PLXNA4: variants seen among roughly 807,000 people sequenced by gnomAD.
The protein encoded by PLXNA4 is plexin A4.
In PLXNA4, 44 loss-of-function variants were observed where a neutral mutation model predicts 191.8. That is an observed-to-expected ratio of 0.23 (90% CI 0.18 to 0.29). The LOEUF is 0.29. Ranked by LOEUF, PLXNA4 falls within the 10% of genes least tolerant of loss-of-function variation. PLXNA4 has a pLI of 1.00. For synonymous variants in PLXNA4, 1,082 were observed against 1,009.5 expected, an observed-to-expected ratio of 1.07 and a Z score of -1.36; for missense variants, 1,800 against 2,488.8, an observed-to-expected ratio of 0.72 and a Z score of 5.89.
chr7:132,379,906 T>C (rs1327531305), intron 3 of PLXNA4, among the ~76,000 whole-genome samples: 1 of 152,206 alleles, frequency 6.6e-6, no homozygotes, highest in Non-Finnish European at 1.5e-5. Flanking sequence ...GTTATTTAAT[T>C]ATGGTCTGGC....
intron 4 of PLXNA4, among the ~76,000 whole-genome samples, chr7:132,289,831 C>T (rs1209264520): frequency 6.8e-6 from 1 of 147,142 alleles, no homozygotes; most frequent in African/African-American, 2.6e-5. Flanking sequence ...CAGTGCCCAG[C>T]TAATTAATTT....
chr7:132,509,754 T>A (rs1798633448), intron 1 of PLXNA4, among the ~76,000 whole-genome samples: 1 of 152,206 alleles, frequency 6.6e-6, no homozygotes, highest in South Asian at 2.1e-4. Flanking sequence ...TCTCTGTGTC[T>A]GTACCTACTA....
intron 1 of PLXNA4, among the ~76,000 whole-genome samples, chr7:132,513,628 A>G (rs552125610): frequency 1.4e-5 from 2 of 138,898 alleles, no homozygotes; most frequent in East Asian, 4.1e-4. Flanking sequence ...CACACCATGA[A>G]TTAGGTGAGT....
chr7:132,296,636 G>C (rs1165993920), intron 4 of PLXNA4, among the ~76,000 whole-genome samples: 1 of 152,070 alleles, frequency 6.6e-6, no homozygotes, highest in African/African-American at 2.4e-5. Flanking sequence ...AGAAATGCTG[G>C]CTTTCAGATC....
At chr7:132,581,504 C>A (rs2116812798), upstream of PLXNA4, among the ~76,000 whole-genome samples, 1 of 152,362 alleles carries the variant, frequency 6.6e-6, no homozygotes, top group South Asian at 2.1e-4. Flanking sequence ...TGCTTAGGAA[C>A]AAGTCTGACC....
chr7:132,563,850 GCTC>G (rs145551736), intron 1 of PLXNA4, among the ~76,000 whole-genome samples: 20,656 of 43,190 alleles, frequency 0.48, 5,272 homozygotes, highest in South Asian at 0.61. Context: ...TCCTTCTGCT[GCTC>G]CTCCTCCTCC....
chr7:132,305,477 C>T (rs1801482645), intron 3 of PLXNA4, among the ~76,000 whole-genome samples: 1 of 151,952 alleles, frequency 6.6e-6, no homozygotes, highest in Admixed American at 6.5e-5. Context: ...TCCAAGGCAG[C>T]CAGCCCCTTT....
chr7:132,211,474 G>A (rs1797798848), intron 9 of PLXNA4, among the ~76,000 whole-genome samples: 2 of 152,318 alleles, frequency 1.3e-5, no homozygotes, highest in South Asian at 4.1e-4. Flanking sequence ...TGCGGGCTAG[G>A]CCTCCCCTCC....
At chr7:132,325,184 C>T (rs776077154) in intron 3 of PLXNA4, among the ~76,000 whole-genome samples, 1 of 152,208 alleles carries the variant, frequency 6.6e-6, no homozygotes, top group Non-Finnish European at 1.5e-5. Flanking sequence ...CCCAACTGTT[C>T]AAGTGGCTTC....
intron 28 of PLXNA4, among the ~76,000 whole-genome samples, chr7:132,146,192 T>C (rs1795428331): frequency 6.6e-6 from 1 of 151,948 alleles, no homozygotes; most frequent in Non-Finnish European, 1.5e-5. Context: ...GAAATCATTC[T>C]TTTATAAGGC....
chr7:132,463,315 T>A (rs1585171767), intron 3 of PLXNA4, among the ~76,000 whole-genome samples: 1 of 152,144 alleles, frequency 6.6e-6, no homozygotes, highest in Non-Finnish European at 1.5e-5. Context: ...TGCTGCTGGG[T>A]TGGAAACTGG....
intron 2 of PLXNA4, among the ~76,000 whole-genome samples, chr7:132,498,670 C>G (rs1319600700): frequency 6.6e-6 from 1 of 152,072 alleles, no homozygotes; most frequent in Non-Finnish European, 1.5e-5. Context: ...TTTCAGGCAT[C>G]CACTGGGGGA....
chr7:132,431,953 C>T (rs894331221), intron 3 of PLXNA4, among the ~76,000 whole-genome samples: 1 of 152,194 alleles, frequency 6.6e-6, no homozygotes, highest in Non-Finnish European at 1.5e-5. Flanking sequence ...ACCTTGGTTT[C>T]TGCTTAGGTG....
chr7:132,523,976 AG>A (rs1438793190), intron 1 of PLXNA4, among the ~76,000 whole-genome samples: 1 of 152,164 alleles, frequency 6.6e-6, no homozygotes, highest in Non-Finnish European at 1.5e-5. Flanking sequence ...AGAACAATCA[AG>A]GGAGGTGACT....
chr7:132,295,656 G>C (rs974541291), intron 4 of PLXNA4, among the ~76,000 whole-genome samples: 8 of 152,136 alleles, frequency 5.3e-5, no homozygotes, highest in African/African-American at 1.7e-4. Context: ...TCTCCCCCGG[G>C]ACTGGATTTT....
intron 3 of PLXNA4, among the ~76,000 whole-genome samples, chr7:132,479,618 G>A (rs796355948): frequency 2.6e-5 from 4 of 152,340 alleles, no homozygotes; most frequent in African/African-American, 9.6e-5. Flanking sequence ...TTGGGGGGAA[G>A]AGGATTGCTC....
intron 2 of PLXNA4, among the ~76,000 whole-genome samples, chr7:132,501,678 C>T (rs910859072): frequency 1.3e-5 from 2 of 152,150 alleles, no homozygotes; most frequent in Admixed American, 6.5e-5. Flanking sequence ...GGGAGGTGGG[C>T]GGGCCTTTCA....
intron 9 of PLXNA4, among the ~76,000 whole-genome samples, chr7:132,214,159 CCCCCT>C (rs1797892398): frequency 6.6e-6 from 1 of 152,118 alleles, no homozygotes; most frequent in Non-Finnish European, 1.5e-5. Context: ...CAGCAGGGGT[CCCCCT>C]GAAGTCCAGG....
At position 132,179,236 on chromosome 7, in the gene PLXNA4, A is replaced by G. The variant is rs576729358; in HGVS notation, c.3874+451T>C. On this transcript the variant is annotated intron_variant, in intron 20 of 31. Coordinates refer to ENST00000321063, the MANE Select transcript of PLXNA4 (RefSeq NM_020911.2). ...GAAACACATACACATACACACACAC[A>G]CGCGCACACAGCCTCCAGCACTGCT... is the stretch of plus-strand genomic sequence containing the variant. Among the ~76,000 whole-genome samples the G allele has an allele frequency of 9.5e-4, 134 of 141,216 alleles. 8 individuals carry two copies. Among genetic ancestry groups the G allele is most frequent in the African/African-American group, 3.3e-3 (113 of 34,212 alleles). 92.6% of individuals were successfully genotyped at this position (141,216 alleles called of 152,430 possible).
Sources: allele counts gnomAD v4.1 joint callset (sites outside exome capture counted in the v4.1 genomes callset), GRCh38; gene constraint gnomAD v4.1.1; transcripts MANE v1.5; gene names NCBI Gene and HGNC (gene_info 2026-07-23, HGNC 2026-07-21).